Variants in EML6 observed in about 807,000 individuals in gnomAD.
EML6 encodes EMAP like 6.
EML6 carries 154 observed loss-of-function variants against 240.1 expected under a neutral mutation model. The ratio of observed to expected loss-of-function variants is 0.64; its 90% CI spans 0.56 to 0.73. The LOEUF (loss-of-function observed/expected upper bound fraction) is 0.73. Among genes scored for constraint, EML6 ranks in the 30% least tolerant of loss-of-function variants. EML6 has a pLI of 0.00. For missense variants in EML6, 2,964 were observed against 2,474.6 expected (o/e 1.20, Z -4.20); for synonymous variants, 1,148 against 899.0 (o/e 1.28, Z -4.95).
chr2:54,814,252 C>A (rs1248784730), intron 3 of EML6, among the ~76,000 whole-genome samples: 1 of 152,206 alleles, frequency 6.6e-6, no homozygotes, highest in African/African-American at 2.4e-5. Context: ...GGCCCTGCCT[C>A]AGTCTGTCCT....
At position 54,725,951 on chromosome 2, in the gene EML6, T is replaced by C. The variant is rs541172160; in HGVS notation, c.197+693T>C. 5.3e-5 allele frequency among the ~76,000 whole-genome samples: 8 copies of C among 152,048 alleles called. No individual in the cohort carries two copies. In the South Asian group the frequency reaches 1.7e-3, roughly 32 times the overall value. On this transcript the variant is annotated intron_variant, in intron 2 of 41. Transcript: ENST00000356458. This position sits in a 1 kb window ranked among gnomAD's most constrained non-coding sequence, Gnocchi z 4.3. ...TGCTAGCGGATGGCCCAAGACTGAC[T>C]GACAGGAGAGCTCATTTGGATGAAT...
intron 16 of EML6, among the ~76,000 whole-genome samples, chr2:54,872,878 T>C (rs1671327270): frequency 1.3e-5 from 2 of 152,178 alleles, no homozygotes; most frequent in Non-Finnish European, 2.9e-5. Flanking sequence ...CCTTAGCCCT[T>C]TGTTGTCATT....
chr2:54,844,326 A>T (rs1013799894), intron 8 of EML6, 78 bp downstream of exon 8: 8 of 1,126,012 alleles, frequency 7.1e-6, no homozygotes, highest in Non-Finnish European at 1.0e-5. Flanking sequence ...TAATAGAAGG[A>T]TAAAGTGCAG....
At chr2:54,814,731 T>G (rs1287738373) in intron 3 of EML6, among the ~76,000 whole-genome samples, 1 of 152,228 alleles carries the variant, frequency 6.6e-6, no homozygotes, top group African/African-American at 2.4e-5. Flanking sequence ...TGAAAAACAA[T>G]TAGCATTTAC....
At chr2:54,918,089 A>G (rs933618426) in intron 26 of EML6, among the ~76,000 whole-genome samples, 4 of 152,208 alleles carry the variant, frequency 2.6e-5, no homozygotes, top group Non-Finnish European at 4.4e-5. Flanking sequence ...TACTTACACA[A>G]TTGATTTTCT....
At position 54,968,655 on chromosome 2, in the gene EML6, C is replaced by G; in HGVS notation, c.5752-13C>G. On this transcript the variant is annotated splice_polypyrimidine_tract_variant and intron_variant, in intron 40 of 41. Coordinates refer to ENST00000356458, the MANE Select transcript of EML6 (RefSeq NM_001039753.4). ...AGGGTCTCTTAGCTGTCTCCATTCA[C>G]TTTTGCTCACAGGCCAAACATAAGC... 1 of 1,526,118 alleles carries G rather than the reference C, an allele frequency of 6.6e-7. No individual in the cohort carries two copies. Among genetic ancestry groups the G allele is most frequent in the Non-Finnish European group, 8.9e-7 (1 of 1,123,642 alleles). The allele number at this position is 1,526,118 out of a possible 1,614,324, so 94.5% of individuals were successfully genotyped here.
At chr2:54,800,469 CTT>C (rs1372365776) in intron 2 of EML6, among the ~76,000 whole-genome samples, 1 of 152,086 alleles carries the variant, frequency 6.6e-6, no homozygotes, top group African/African-American at 2.4e-5. Flanking sequence ...TATAAGGACT[CTT>C]AAGCATCAAA....
Position 54,829,449 on chromosome 2 carries a change from T to A in EML6, c.819T>A (p.Asp273Glu), listed in dbSNP as rs534024621. Residue 273 changes from aspartate (D) to glutamate (E), a missense_variant, in exon 7 of 42, where the codon GAT becomes GAA. By Grantham distance (45) the Asp-to-Glu change is conservative. Coordinates refer to ENST00000356458, the MANE Select transcript of EML6 (RefSeq NM_001039753.4). ...ATTTCAAACCAATAACCAAAATTGA[T>A]CTCAGGGAGACAGAACAAGGATACA... ...DTDFKPITKI[D>E]LRETEQGYKG... 2.0e-4 allele frequency: 303 copies of A among 1,551,816 alleles called. 4 individuals carry two copies. The South Asian group carries it at 3.3e-3, about 17-fold the overall frequency.
rs112582280 is a variant in EML6, at chr2:54,828,965, T to C, written c.712-377T>C. Among the ~76,000 whole-genome samples, 1,126 of 152,326 alleles carry C rather than the reference T, an allele frequency of 7.4e-3. 14 individuals carry two copies. The highest frequency in any genetic ancestry group is 0.012 in the Non-Finnish European group (825 of 68,024). On this transcript the variant is annotated intron_variant, in intron 6 of 41. Coordinates refer to ENST00000356458, the MANE Select transcript of EML6 (RefSeq NM_001039753.4). ...ATGTTCCTAGCCTCTTATCTCTACT[T>C]AATTATTTTAGGCAGCAACTTCCAT... is the stretch of plus-strand genomic sequence containing the variant.
At chr2:54,872,131 T>G (rs1224397407) in intron 16 of EML6, among the ~76,000 whole-genome samples, 2 of 152,222 alleles carry the variant, frequency 1.3e-5, no homozygotes, top group African/African-American at 4.8e-5. Context: ...ACTGAAGTTT[T>G]CATCTCCTTA....
chr2:54,831,851 C>G (rs992481270), intron 7 of EML6, among the ~76,000 whole-genome samples: 1 of 152,112 alleles, frequency 6.6e-6, no homozygotes, highest in Non-Finnish European at 1.5e-5. Context: ...AGCATGCAGC[C>G]CCACAGTGTG....
At chr2:54,946,707 A>C (rs571389154) in intron 28 of EML6, among the ~76,000 whole-genome samples, 1 of 152,326 alleles carries the variant, frequency 6.6e-6, no homozygotes, top group African/African-American at 2.4e-5. Flanking sequence ...AGACAAACAC[A>C]GGTGTTTGGT....
intron 17 of EML6, chr2:54,882,948 G>A (rs1671917489): frequency 6.7e-6 from 1 of 149,910 alleles, no homozygotes; most frequent in South Asian, 2.1e-4. Context: ...TTCTGTATTA[G>A]CTTCATCGCT....
At chr2:54,812,526 ATTTTTT>A (rs3841892) in intron 2 of EML6, among the ~76,000 whole-genome samples, 2 of 150,720 alleles carry the variant, frequency 1.3e-5, no homozygotes, top group African/African-American at 4.9e-5. Context: ...CATTAGGGTG[ATTTTTT>A]TTTTTTAATC....
intron 17 of EML6, chr2:54,880,297 C>G (rs1671747417): frequency 6.6e-6 from 1 of 152,232 alleles, no homozygotes; most frequent in South Asian, 2.1e-4. Context: ...AGTTGGCAGC[C>G]AAGGCCCAGC....
rs570594207 is a variant in EML6, at chr2:54,866,208, T to C, written c.1933-558T>C. On this transcript the variant is annotated intron_variant, in intron 13 of 41. Coordinates refer to ENST00000356458, the MANE Select transcript of EML6 (RefSeq NM_001039753.4). ...CACCTGTTAAATGGACATTTCTTGGTAGTAAAGTATAAATACACAGTAAAC... is the reference window on the plus strand; with the variant it reads ...CACCTGTTAAATGGACATTTCTTGGCAGTAAAGTATAAATACACAGTAAAC... Among the ~76,000 whole-genome samples, 15 of 152,366 alleles carry C rather than the reference T, an allele frequency of 9.8e-5. No homozygotes were observed. In the South Asian group the frequency reaches 3.1e-3, roughly 32 times the overall value.
Position 54,950,890 on chromosome 2 carries a change from TC to T in EML6, c.4213+117del, listed in dbSNP as rs1355593425. ...CATTTTCCTTCCCTTATAGAGCCAT[TC>T]CCCCCAATTCCAGCATGGTCTCAGT... On this transcript the variant is annotated intron_variant, in intron 30 of 41. Transcript: ENST00000356458. The T allele has an allele frequency of 1.6e-4, 175 of 1,127,940 alleles. 1 individual carries two copies. In the East Asian group the frequency reaches 4.0e-3, roughly 26 times the overall value. The allele number at this position is 1,127,940 out of a possible 1,614,324, so 69.9% of individuals were successfully genotyped here. A position where few individuals can be genotyped will look rare whatever the true frequency, so the allele number is the denominator to read the frequency against.
intron 17 of EML6, among the ~76,000 whole-genome samples, chr2:54,884,127 C>G (rs1386422408): frequency 1.3e-5 from 2 of 152,166 alleles, no homozygotes; most frequent in African/African-American, 4.8e-5. Flanking sequence ...AGGTTGAGGG[C>G]TCAGTTTCTG....
intron 7 of EML6, among the ~76,000 whole-genome samples, chr2:54,831,049 T>C (rs1473431153): frequency 6.6e-6 from 1 of 152,170 alleles, no homozygotes; most frequent in African/African-American, 2.4e-5. Context: ...AGATATAAGC[T>C]TGCAAGTACC....
Sources: gnomAD v4.1 joint callset for allele counts (sites outside exome capture counted in the v4.1 genomes callset) on GRCh38, gnomAD v4.1.1 for gene constraint, Gnocchi (gnomAD v3.1) non-coding constraint, MANE v1.5 for transcripts, NCBI Gene and HGNC (gene_info 2026-07-23, HGNC 2026-07-21) for gene names.